DEAF1: variants seen among roughly 807,000 people sequenced by gnomAD.
The protein encoded by DEAF1 is deformed epidermal autoregulatory factor 1 homolog.
In DEAF1, 53 loss-of-function variants were observed where a neutral mutation model predicts 58.9. The observed-to-expected ratio is 0.90, with a 90% CI of 0.72 to 1.13. DEAF1 has a LOEUF of 1.13. Ranked by LOEUF, DEAF1 falls within the 50% of genes most tolerant of loss-of-function variation. The pLI is 0.00. For missense variants in DEAF1, 685 were observed against 791.4 expected, an observed-to-expected ratio of 0.87 and a Z score of 1.61; for synonymous variants, 385 against 340.4, an observed-to-expected ratio of 1.13 and a Z score of -1.44.
rs1159026671 is a variant in DEAF1, at chr11:694,909, C to T, written c.139G>A (p.Asp47Asn). 3 of 1,490,094 alleles carry T rather than the reference C, an allele frequency of 2.0e-6. No homozygotes were observed. The highest frequency in any genetic ancestry group is 8.9e-7 in the Non-Finnish European group (1 of 1,123,568). 92.3% of individuals were successfully genotyped at this position (1,490,094 alleles called of 1,614,324 possible). Reference protein sequence around the residue: ...AEEPVLSRDEDSEEDADSEAE... With the variant: ...AEEPVLSRDENSEEDADSEAE... ...TCCGAGTCTGCGTCCTCCTCCGAGT[C>T]CTCGTCCCTGCTCAGCACCGGCTCC... The change falls in exon 1 of 12, where the codon GAC becomes AAC. Residue 47 changes from aspartate (D) to asparagine (N), a missense_variant. Coordinates refer to ENST00000382409, the MANE Select transcript of DEAF1 (RefSeq NM_021008.4).
At chr11:695,766 C>A, upstream of DEAF1, 1 of 1,238,200 alleles carries the variant, frequency 8.1e-7, no homozygotes, top group Non-Finnish European at 1.0e-6. Context: ...GCCGAAGGAG[C>A]GCGAGCGCGC....
intron 1 of DEAF1, chr11:703,399 G>T: frequency 7.4e-7 from 1 of 1,347,480 alleles, no homozygotes; most frequent in South Asian, 2.1e-5. Flanking sequence ...CCTTCAAGAT[G>T]AGTCCCAGGA....
intron 9 of DEAF1, among the ~76,000 whole-genome samples, chr11:678,032 C>T (rs1035957567): frequency 2.7e-5 from 4 of 150,224 alleles, no homozygotes; most frequent in African/African-American, 9.8e-5. Flanking sequence ...CACCTGTAAT[C>T]CCAGCACTTT....
At chr11:682,348 A>G (rs1354161341) in intron 6 of DEAF1, among the ~76,000 whole-genome samples, 1 of 152,148 alleles carries the variant, frequency 6.6e-6, no homozygotes, top group African/African-American at 2.4e-5. Context: ...GGTTTCCCAG[A>G]TGGGTTCTTC....
intron 10 of DEAF1, among the ~76,000 whole-genome samples, chr11:673,249 G>A (rs914205913): frequency 1.3e-5 from 2 of 152,158 alleles, no homozygotes; most frequent in African/African-American, 4.8e-5. Context: ...AGTAGAAGCT[G>A]GGCATGGTGG....
intron 1 of DEAF1, chr11:704,393 C>T: frequency 1.7e-6 from 2 of 1,183,988 alleles, no homozygotes; most frequent in South Asian, 1.3e-5. Context: ...GCGGTGGGAG[C>T]ACCCAGTTGT....
intron 1 of DEAF1, chr11:703,793 C>A: frequency 8.1e-7 from 1 of 1,233,120 alleles, no homozygotes; most frequent in Non-Finnish European, 1.0e-6. Context: ...CACACTTCTC[C>A]CTTCAGGGGC....
intron 1 of DEAF1, chr11:703,187 C>G (rs1564964168): frequency 1.3e-6 from 2 of 1,566,732 alleles, no homozygotes; most frequent in South Asian, 1.2e-5. Flanking sequence ...TGGGGCCCTC[C>G]TCCTGGGCCT....
intron 10 of DEAF1, among the ~76,000 whole-genome samples, chr11:661,002 G>A (rs1859297489): frequency 6.6e-6 from 1 of 152,218 alleles, no homozygotes; most frequent in African/African-American, 2.4e-5. Context: ...CTATTTCTGA[G>A]CTTCCTAGGA....
At chr11:657,107 G>GACCCACCTGGC (rs146245170) in intron 10 of DEAF1, among the ~76,000 whole-genome samples, 25 of 152,046 alleles carry the variant, frequency 1.6e-4, no homozygotes, top group Admixed American at 1.4e-3. Context: ...AGCAGCACCG[G>GACCCACCTGGC]ACCCACCTGG....
At chr11:701,149 C>T (rs772037644) in intron 1 of DEAF1, 68 of 201,900 alleles carry the variant, frequency 3.4e-4, no homozygotes, top group Non-Finnish European at 6.2e-4. Flanking sequence ...CCCACTCCAG[C>T]TCTAGGGATC....
At chr11:667,475 A>G (rs1859602383) in intron 10 of DEAF1, among the ~76,000 whole-genome samples, 1 of 152,158 alleles carries the variant, frequency 6.6e-6, no homozygotes, top group African/African-American at 2.4e-5. Flanking sequence ...CAGGCTGGCC[A>G]GAAGATGATG....
intron 10 of DEAF1, among the ~76,000 whole-genome samples, chr11:663,606 TTCC>T (rs1182646280): frequency 6.6e-6 from 1 of 152,024 alleles, no homozygotes; most frequent in Non-Finnish European, 1.5e-5. Context: ...CTTTTGGCCT[TTCC>T]TCCTCCATCT....
intron 10 of DEAF1, 114 bp from the exon 11 acceptor site, chr11:654,165 C>CT (rs369963488): frequency 0.12 from 47,405 of 394,938 alleles, 728 homozygotes; most frequent in Admixed American, 0.14. Flanking sequence ...ATTGGACCCC[C>CT]TTTTTTTTTT....
chr11:685,178 C>T (rs569922335), intron 5 of DEAF1, among the ~76,000 whole-genome samples: 6 of 151,346 alleles, frequency 4.0e-5, no homozygotes, highest in East Asian at 3.9e-4. Flanking sequence ...TCTGCCTCCC[C>T]GGCGCAAGCA....
intron 6 of DEAF1, among the ~76,000 whole-genome samples, chr11:683,114 AG>A (rs1180713211): frequency 6.6e-6 from 1 of 152,078 alleles, no homozygotes; most frequent in African/African-American, 2.4e-5. Context: ...GGAGACCTTA[AG>A]GGGTTATTTT....
intron 10 of DEAF1, among the ~76,000 whole-genome samples, chr11:670,034 C>T (rs1407828058): frequency 6.6e-6 from 1 of 150,906 alleles, no homozygotes; most frequent in Non-Finnish European, 1.5e-5. Context: ...CATGCCACTG[C>T]ACTCCAGCCT....
chr11:673,724 AC>A (rs1177697789), intron 10 of DEAF1, among the ~76,000 whole-genome samples: 1 of 152,126 alleles, frequency 6.6e-6, no homozygotes, highest in Non-Finnish European at 1.5e-5. Context: ...TGCTGAGCAG[AC>A]AGGCGCCCTC....
At chr11:702,352 G>A (rs1419486383) in intron 1 of DEAF1, among the ~76,000 whole-genome samples, 1 of 152,210 alleles carries the variant, frequency 6.6e-6, no homozygotes, top group Non-Finnish European at 1.5e-5. Flanking sequence ...GATCTTCTGG[G>A]GCCTGGGCCT....
Sources: allele counts gnomAD v4.1 joint callset (sites outside exome capture counted in the v4.1 genomes callset), GRCh38; gene constraint gnomAD v4.1.1; transcripts MANE v1.5; gene names NCBI Gene and HGNC (gene_info 2026-07-23, HGNC 2026-07-21).